The following PARL variants were observed in gnomAD, a reference collection of about 807,000 sequenced individuals.
PARL encodes presenilin-associated rhomboid-like protein, mitochondrial.
A neutral mutation model predicts 51.6 loss-of-function variants in PARL; 44 were observed. That is an observed-to-expected ratio of 0.85 (90% CI 0.67 to 1.10). The LOEUF is 1.10. PARL is among the 50% of genes least tolerant of loss of function. The probability of loss-of-function intolerance (pLI) is 0.00; values close to 1 mark genes in which losing one functional copy is unlikely to be tolerated. For missense variants in PARL, 441 were observed against 469.5 expected (o/e 0.94, Z 0.56); for synonymous variants, 172 against 164.0 (o/e 1.05, Z -0.37).
At chr3:183,864,503 T>G (rs1057490606) in intron 3 of PARL, among the ~76,000 whole-genome samples, 11 of 152,040 alleles carry the variant, frequency 7.2e-5, no homozygotes, top group Non-Finnish European at 1.6e-4. Context: ...TTGGCTGGGC[T>G]CGGTGGCTCA....
At chr3:183,853,331 G>A (rs1730761038) in intron 4 of PARL, among the ~76,000 whole-genome samples, 1 of 152,196 alleles carries the variant, frequency 6.6e-6, no homozygotes, top group African/African-American at 2.4e-5. Context: ...GGGAGGCTGA[G>A]GTAGGTGGAT....
intron 1 of PARL, among the ~76,000 whole-genome samples, chr3:183,874,994 C>T (rs1365153490): frequency 6.6e-6 from 1 of 152,154 alleles, no homozygotes; most frequent in Non-Finnish European, 1.5e-5. Context: ...ATCACTTGAG[C>T]CCAGGAGGTC....
At chr3:183,873,252 T>TC (rs1186996469) in intron 1 of PARL, among the ~76,000 whole-genome samples, 1 of 152,192 alleles carries the variant, frequency 6.6e-6, no homozygotes, top group African/African-American at 2.4e-5. Context: ...ACGCCTGTAA[T>TC]CCCAGCACTT....
rs1359858561 is a variant in PARL at position 183,829,305 on chromosome 3, C to A, written c.*293G>T. The A allele has an allele frequency of 1.0e-5, 9 of 901,290 alleles. No individual in the cohort carries two copies. Among genetic ancestry groups the A allele is most frequent in the Non-Finnish European group, 1.4e-5 (9 of 652,204 alleles). The allele number at this position is 901,290 out of a possible 1,614,324, so 55.8% of individuals were successfully genotyped here. ...TTCTGATCAGGCCTTTCAGGGTGCACTCTCCCCAGGTCCTGTCAATGCAAC... is the reference window on the plus strand; with the variant it reads ...TTCTGATCAGGCCTTTCAGGGTGCAATCTCCCCAGGTCCTGTCAATGCAAC... On this transcript the variant is annotated 3_prime_UTR_variant, in exon 10 of 10. Transcript: ENST00000317096.
intron 1 of PARL, among the ~76,000 whole-genome samples, chr3:183,869,333 T>G (rs1214807665): frequency 6.6e-6 from 1 of 152,026 alleles, no homozygotes; most frequent in Non-Finnish European, 1.5e-5. Flanking sequence ...TCAGCATCCC[T>G]AGTAGCTGGG....
chr3:183,853,460 GA>G (rs1730777123), intron 4 of PARL, among the ~76,000 whole-genome samples: 1 of 152,084 alleles, frequency 6.6e-6, no homozygotes, highest in African/African-American at 2.4e-5. Context: ...GCTGAGGTGG[GA>G]AGAGTGCTTG....
In PARL at chr3:183,833,808, T is replaced by C; in HGVS notation, c.846A>G (p.Thr282=). ...TCTTAGTGCAGACAGCTGCGAGGACTGTCATGATGGCACCAGACTGCAAAG... is the reference window on the plus strand; with the variant it reads ...TCTTAGTGCAGACAGCTGCGAGGACCGTCATGATGGCACCAGACTGCAAAG... ...PSLGASGAIM[T]VLAAVCTKIP... The change falls in exon 8 of 10, where the codon ACA becomes ACG. Residue 282 remains threonine (T), a synonymous_variant. Transcript: ENST00000317096. 1.9e-6 allele frequency: 3 copies of C among 1,611,368 alleles called. No homozygotes were observed. The highest frequency in any genetic ancestry group is 2.5e-6 in the Non-Finnish European group (3 of 1,177,398).
intron 1 of PARL, among the ~76,000 whole-genome samples, chr3:183,882,775 A>C (rs892224942): frequency 3.3e-5 from 5 of 152,192 alleles, no homozygotes; most frequent in Non-Finnish European, 7.3e-5. Context: ...TTGGGCCTGC[A>C]GTAGTTTTCA....
chr3:183,874,751 G>A (rs1158090328), intron 1 of PARL, among the ~76,000 whole-genome samples: 1 of 152,162 alleles, frequency 6.6e-6, no homozygotes, highest in Non-Finnish European at 1.5e-5. Context: ...TAAGCCTCTG[G>A]CACAAATAGC....
chr3:183,861,918 C>A (rs533768335), intron 4 of PARL, among the ~76,000 whole-genome samples: 24 of 152,240 alleles, frequency 1.6e-4, no homozygotes, highest in African/African-American at 5.8e-4. Context: ...GGACCCCAGG[C>A]ACGCACCACC....
At chr3:183,877,447 G>A (rs776304537) in intron 1 of PARL, among the ~76,000 whole-genome samples, 4 of 152,180 alleles carry the variant, frequency 2.6e-5, no homozygotes, top group African/African-American at 4.8e-5. Flanking sequence ...GCAGCAGCAC[G>A]GTTTGAGAGG....
At chr3:183,879,543 A>G (rs1020451344) in intron 1 of PARL, 1 of 157,536 alleles carries the variant, frequency 6.3e-6, no homozygotes, top group Admixed American at 6.5e-5. Flanking sequence ...TCTCGCTAGA[A>G]GCCAGTCCTA....
chr3:183,882,253 A>T lies in PARL; in HGVS notation c.125+2469T>A, dbSNP rs1437826392. Among the ~76,000 whole-genome samples the T allele has an allele frequency of 2.7e-3, 143 of 53,294 alleles. 1 individual carries two copies. The highest frequency in any genetic ancestry group is 5.1e-3 in the South Asian group (9 of 1,756). 35.0% of individuals were successfully genotyped at this position (53,294 alleles called of 152,430 possible). On this transcript the variant is annotated intron_variant, in intron 1 of 9. Transcript: ENST00000317096. ...TATATATATATATATATTTATATAT[A>T]TATATATATATATATTTATATATAT...
intron 1 of PARL, among the ~76,000 whole-genome samples, chr3:183,875,794 G>A (rs1733739768): frequency 6.6e-6 from 1 of 152,196 alleles, no homozygotes; most frequent in African/African-American, 2.4e-5. Context: ...GGAAGAAGAT[G>A]CCATCTAAGA....
chr3:183,873,116 A>C lies in PARL; in HGVS notation c.126-5056T>G, dbSNP rs146037428. On this transcript the variant is annotated intron_variant, in intron 1 of 9. Transcript: ENST00000317096. ...AAGTAACCTGGAGATAGGTCTAGTA[A>C]GTAAAGTCGCAATTAATTAATCAAA... Among the ~76,000 whole-genome samples, 7 of 152,340 alleles carry C rather than the reference A, an allele frequency of 4.6e-5. No homozygotes were observed. The East Asian group carries it at 1.3e-3, about 29-fold the overall frequency.
intron 7 of PARL, among the ~76,000 whole-genome samples, chr3:183,836,381 C>T (rs181473545): frequency 7.2e-5 from 11 of 152,064 alleles, no homozygotes; most frequent in Non-Finnish European, 8.8e-5. Flanking sequence ...TTATTACATA[C>T]ACAGTTCCAT....
intron 9 of PARL, among the ~76,000 whole-genome samples, chr3:183,831,168 G>A (rs939633417): frequency 6.6e-6 from 1 of 152,082 alleles, no homozygotes; most frequent in African/African-American, 2.4e-5. Flanking sequence ...TAGAGACGAG[G>A]TTTCCCCATA....
intron 5 of PARL, 53 bp downstream of exon 5, chr3:183,844,178 A>G (rs907738464): frequency 2.4e-5 from 29 of 1,218,100 alleles, no homozygotes; most frequent in Non-Finnish European, 3.5e-5. Flanking sequence ...ACTAAAGCAT[A>G]TTTCTTTCAT....
At chr3:183,856,360 C>T (rs1191569547) in intron 4 of PARL, 1 of 152,352 alleles carries the variant, frequency 6.6e-6, no homozygotes, top group African/African-American at 2.4e-5. Context: ...CCAACCCAGA[C>T]CTGGCCAGTC....
Sources: allele counts gnomAD v4.1 joint callset (sites outside exome capture counted in the v4.1 genomes callset), GRCh38; gene constraint gnomAD v4.1.1; transcripts MANE v1.5; gene names NCBI Gene and HGNC (gene_info 2026-07-23, HGNC 2026-07-21).